The following CERS6 variants were observed in gnomAD, a reference collection of about 807,000 sequenced individuals.
The protein encoded by CERS6 is ceramide synthase 6, also known as LAG1 homolog, ceramide synthase 6.
In CERS6, 26 loss-of-function variants were observed where a neutral mutation model predicts 56.8. That is an observed-to-expected ratio of 0.46 (90% CI 0.34 to 0.63). The LOEUF (loss-of-function observed/expected upper bound fraction) is 0.63, where lower values mean the gene tolerates loss of function less well. Among genes scored for constraint, CERS6 ranks in the 30% least tolerant of loss-of-function variants. The pLI is 0.01. For synonymous variants in CERS6, 164 were observed against 173.3 expected (o/e 0.95, Z 0.42); for missense variants, 415 against 467.5 (o/e 0.89, Z 1.04).
At chr2:168,615,566 G>T (rs888459464) in intron 3 of CERS6, among the ~76,000 whole-genome samples, 1 of 152,036 alleles carries the variant, frequency 6.6e-6, no homozygotes. Flanking sequence ...CGAAAGAAAT[G>T]CAAAATGCTC....
At chr2:168,617,706 C>T (rs116602017) in intron 3 of CERS6, among the ~76,000 whole-genome samples, 5,046 of 152,118 alleles carry the variant, frequency 0.033, 286 homozygotes, top group African/African-American at 0.11. Flanking sequence ...CCTGAACGGA[C>T]CAATAACAAG....
chr2:168,761,624 G>T (rs1337817210), intron 8 of CERS6, among the ~76,000 whole-genome samples: 1 of 152,014 alleles, frequency 6.6e-6, no homozygotes, highest in Non-Finnish European at 1.5e-5. Flanking sequence ...ATATTTATTG[G>T]ATTGTTGGAT....
chr2:168,657,565 A>G (rs1685514656), intron 4 of CERS6, among the ~76,000 whole-genome samples: 1 of 152,248 alleles, frequency 6.6e-6, no homozygotes, highest in African/African-American at 2.4e-5. Flanking sequence ...GGCAGACTGC[A>G]GGTCCCGAGC....
intron 8 of CERS6, among the ~76,000 whole-genome samples, chr2:168,724,961 G>A (rs985089220): frequency 1.4e-4 from 22 of 152,330 alleles, no homozygotes; most frequent in African/African-American, 3.6e-4. Context: ...GGCACTCGTC[G>A]TGGAGGCTCC....
chr2:168,662,636 G>A (rs535719484), intron 4 of CERS6, among the ~76,000 whole-genome samples: 2 of 152,296 alleles, frequency 1.3e-5, no homozygotes, highest in East Asian at 1.9e-4. Flanking sequence ...GGAGGCTGAG[G>A]CAGGAGAATC....
chr2:168,529,300 G>C (rs1057366558), intron 1 of CERS6, among the ~76,000 whole-genome samples: 1 of 152,178 alleles, frequency 6.6e-6, no homozygotes, highest in African/African-American at 2.4e-5. Flanking sequence ...CTTCTGGGGG[G>C]AGTTTTAGCA....
At chr2:168,558,536 A>G (rs1394230446) in intron 2 of CERS6, among the ~76,000 whole-genome samples, 1 of 152,226 alleles carries the variant, frequency 6.6e-6, no homozygotes, top group Non-Finnish European at 1.5e-5. Context: ...ATATAATAAT[A>G]TATATTCAAG....
At chr2:168,486,836 G>A (rs577377317) in intron 1 of CERS6, among the ~76,000 whole-genome samples, 1 of 152,252 alleles carries the variant, frequency 6.6e-6, no homozygotes, top group East Asian at 1.9e-4. Flanking sequence ...GTGACACAGT[G>A]AAAGGAAGGA....
intron 8 of CERS6, among the ~76,000 whole-genome samples, chr2:168,745,811 G>C (rs1027115007): frequency 2.6e-5 from 4 of 152,068 alleles, no homozygotes; most frequent in Non-Finnish European, 4.4e-5. Context: ...AGGGAGAGTG[G>C]GCGTCCCCAG....
At chr2:168,757,784 A>G (rs1408171290) in intron 8 of CERS6, among the ~76,000 whole-genome samples, 1 of 152,214 alleles carries the variant, frequency 6.6e-6, no homozygotes, top group Non-Finnish European at 1.5e-5. Context: ...ACTAATAATT[A>G]GGCACCCATG....
At chr2:168,744,780 T>C (rs1227186541) in intron 8 of CERS6, among the ~76,000 whole-genome samples, 1 of 152,202 alleles carries the variant, frequency 6.6e-6, no homozygotes, top group Non-Finnish European at 1.5e-5. Context: ...CAGAAAGTTA[T>C]TCAGAATTGT....
At chr2:168,650,459 A>G (rs1008698580) in intron 4 of CERS6, among the ~76,000 whole-genome samples, 1 of 152,190 alleles carries the variant, frequency 6.6e-6, no homozygotes, top group Non-Finnish European at 1.5e-5. Context: ...ATCAATTGTT[A>G]AATCCTTTAC....
At chr2:168,479,267 A>G (rs1380752433) in intron 1 of CERS6, among the ~76,000 whole-genome samples, 5 of 152,156 alleles carry the variant, frequency 3.3e-5, no homozygotes, top group Non-Finnish European at 5.9e-5. Context: ...ATTTATTTTC[A>G]TCTGTATTTT....
intron 1 of CERS6, among the ~76,000 whole-genome samples, chr2:168,546,680 G>A (rs974146094): frequency 6.6e-6 from 1 of 152,112 alleles, no homozygotes. Context: ...GAATTAATTT[G>A]GGTAATACTT....
intron 4 of CERS6, among the ~76,000 whole-genome samples, chr2:168,645,142 TAGAGAGAGAGAGAGAG>T (rs35865470): frequency 0.01 from 130 of 12,734 alleles, 4 homozygotes; most frequent in South Asian, 0.024. Flanking sequence ...TATATATATA[TAGAGAGAGAGAGAGAG>T]AGAGAGAGAG....
chr2:168,669,504 G>T (rs1043589894), intron 4 of CERS6, among the ~76,000 whole-genome samples: 3 of 152,170 alleles, frequency 2.0e-5, no homozygotes, highest in Admixed American at 6.5e-5. Context: ...AAGGGAGAAT[G>T]ATGTTGGTGT....
intron 4 of CERS6, among the ~76,000 whole-genome samples, chr2:168,649,697 C>G (rs1346280491): frequency 6.6e-6 from 1 of 152,070 alleles, no homozygotes; most frequent in African/African-American, 2.4e-5. Flanking sequence ...CCCTTCCTAC[C>G]TTGGCTTACC....
At chr2:168,586,980 G>A (rs1171661963) in intron 3 of CERS6, among the ~76,000 whole-genome samples, 3 of 152,142 alleles carry the variant, frequency 2.0e-5, no homozygotes, top group Non-Finnish European at 4.4e-5. Context: ...AGACCAGCCT[G>A]GCCAACATGG....
intron 4 of CERS6, among the ~76,000 whole-genome samples, chr2:168,636,878 G>T (rs1459505979): frequency 6.6e-6 from 1 of 152,150 alleles, no homozygotes; most frequent in Non-Finnish European, 1.5e-5. Flanking sequence ...TAATGTGACT[G>T]TGAGGCCCTG....
Sources: gnomAD v4.1 joint callset for allele counts (sites outside exome capture counted in the v4.1 genomes callset) on GRCh38, gnomAD v4.1.1 for gene constraint, MANE v1.5 for transcripts, NCBI Gene and HGNC (gene_info 2026-07-23, HGNC 2026-07-21) for gene names.